Variants in PLCB1 observed in about 807,000 individuals in gnomAD.
PLCB1 encodes the protein 1-phosphatidylinositol 4,5-bisphosphate phosphodiesterase beta-1.
PLCB1 carries 46 observed loss-of-function variants against 161.8 expected under a neutral mutation model. That is an observed-to-expected ratio of 0.28 (90% CI 0.22 to 0.36). The LOEUF (loss-of-function observed/expected upper bound fraction) is 0.36, where lower values mean the gene tolerates loss of function less well. Among genes scored for constraint, PLCB1 ranks in the 10% least tolerant of loss-of-function variants. PLCB1 has a pLI of 1.00. For missense variants in PLCB1, 1,016 were observed against 1,472.5 expected, an observed-to-expected ratio of 0.69 and a Z score of 5.07; for synonymous variants, 517 against 503.7, an observed-to-expected ratio of 1.03 and a Z score of -0.35.
intron 9 of PLCB1, among the ~76,000 whole-genome samples, chr20:8,661,388 G>C (rs746715773): frequency 2.6e-5 from 4 of 152,112 alleles, no homozygotes; most frequent in Non-Finnish European, 4.4e-5. Context: ...AAGGACAGAG[G>C]CTTTGGAGTC....
At chr20:8,276,505 C>T (rs1982551323) in intron 2 of PLCB1, among the ~76,000 whole-genome samples, 1 of 152,158 alleles carries the variant, frequency 6.6e-6, no homozygotes, top group Non-Finnish European at 1.5e-5. Flanking sequence ...GCTGCTGCTC[C>T]TTTCATTGTT....
intron 2 of PLCB1, among the ~76,000 whole-genome samples, chr20:8,205,740 A>G (rs959058943): frequency 6.6e-6 from 1 of 152,164 alleles, no homozygotes; most frequent in Non-Finnish European, 1.5e-5. Flanking sequence ...ATACATTCTG[A>G]ATTATTTACA....
chr20:8,139,483 T>C (rs1036068645), intron 1 of PLCB1, among the ~76,000 whole-genome samples: 1 of 152,132 alleles, frequency 6.6e-6, no homozygotes, highest in Admixed American at 6.5e-5. Flanking sequence ...TCACAGAAAG[T>C]GGATTAGTTA....
At chr20:8,472,218 T>C (rs988285139) in intron 3 of PLCB1, among the ~76,000 whole-genome samples, 3 of 152,346 alleles carry the variant, frequency 2.0e-5, no homozygotes, top group Non-Finnish European at 2.9e-5. Flanking sequence ...GATATTATTG[T>C]TTGCAAATCT....
intron 2 of PLCB1, among the ~76,000 whole-genome samples, chr20:8,189,109 C>T (rs1002860090): frequency 2.0e-5 from 3 of 151,694 alleles, no homozygotes; most frequent in Admixed American, 6.6e-5. Flanking sequence ...TCTAGGATTC[C>T]GCATATAAGT....
chr20:8,870,891 A>AG (rs1201440861), intron 31 of PLCB1, among the ~76,000 whole-genome samples: 1 of 152,234 alleles, frequency 6.6e-6, no homozygotes, highest in Non-Finnish European at 1.5e-5. Context: ...AATGCACAAA[A>AG]GGAGAAAATT....
chr20:8,490,615 C>A (rs1982904370), intron 3 of PLCB1, among the ~76,000 whole-genome samples: 1 of 152,134 alleles, frequency 6.6e-6, no homozygotes, highest in Non-Finnish European at 1.5e-5. Context: ...AGTTGCTCCA[C>A]TTTCTTACTA....
At chr20:8,325,070 T>G (rs1407076253) in intron 2 of PLCB1, among the ~76,000 whole-genome samples, 1 of 152,216 alleles carries the variant, frequency 6.6e-6, no homozygotes, top group Non-Finnish European at 1.5e-5. Context: ...GTAATAATCA[T>G]GCCCCTACTA....
intron 15 of PLCB1, among the ~76,000 whole-genome samples, chr20:8,723,479 G>A (rs1171312061): frequency 6.6e-6 from 1 of 152,004 alleles, no homozygotes; most frequent in Admixed American, 6.6e-5. Context: ...ACTCTACAGA[G>A]GCCCATTTTG....
rs2146222865 is a variant in PLCB1 at position 8,790,198 on chromosome 20, G to A, written c.3360G>A (p.Arg1120=). The part of the protein sequence containing the change: ...IKRLEEAQSK[R]QEKLVEKHKE... ...AGCTAGAAGAAGCGCAAAGTAAACG[G>A]CAAGAAAAACTCGTAGAGAAACACA... The change falls in exon 31 of 32, where the codon CGG becomes CGA. Residue 1120 remains arginine, a synonymous_variant. Coordinates refer to ENST00000338037, the MANE Select transcript of PLCB1 (RefSeq NM_015192.4). 4 of 1,611,230 alleles carry A rather than the reference G, an allele frequency of 2.5e-6. No individual in the cohort carries two copies. The highest frequency in any genetic ancestry group is 3.4e-6 in the Non-Finnish European group (4 of 1,178,148).
chr20:8,869,468 T>C (rs552695037), intron 31 of PLCB1, among the ~76,000 whole-genome samples: 1 of 152,348 alleles, frequency 6.6e-6, no homozygotes, highest in South Asian at 2.1e-4. Flanking sequence ...AGCATAATTA[T>C]TGTCCTAAAT....
chr20:8,274,125 A>G (rs1982416705), intron 2 of PLCB1, among the ~76,000 whole-genome samples: 1 of 152,108 alleles, frequency 6.6e-6, no homozygotes, highest in Admixed American at 6.6e-5. Context: ...AACTTTCCAT[A>G]TTTGCTCTCA....
intron 3 of PLCB1, among the ~76,000 whole-genome samples, chr20:8,404,481 G>A (rs1399404291): frequency 1.3e-5 from 2 of 152,134 alleles, no homozygotes; most frequent in South Asian, 4.1e-4. Flanking sequence ...AGGATAAAAG[G>A]TACAAGTCCT....
intron 2 of PLCB1, among the ~76,000 whole-genome samples, chr20:8,299,615 T>C (rs1447072104): frequency 6.6e-6 from 1 of 152,196 alleles, no homozygotes; most frequent in Non-Finnish European, 1.5e-5. Context: ...GCACCCTGAT[T>C]TCTCAACTGC....
intron 3 of PLCB1, among the ~76,000 whole-genome samples, chr20:8,483,908 T>G (rs1982611406): frequency 6.6e-6 from 1 of 152,144 alleles, no homozygotes; most frequent in African/African-American, 2.4e-5. Flanking sequence ...ATTAGAAAAT[T>G]AAGAACAAGG....
intron 2 of PLCB1, among the ~76,000 whole-genome samples, chr20:8,232,168 G>A (rs942684815): frequency 2.0e-5 from 3 of 151,902 alleles, no homozygotes; most frequent in Non-Finnish European, 4.4e-5. Flanking sequence ...CATGGTGCCC[G>A]TGAAAAGCTA....
chr20:8,529,303 G>A (rs2122910101), intron 3 of PLCB1, among the ~76,000 whole-genome samples: 1 of 151,956 alleles, frequency 6.6e-6, no homozygotes, highest in Admixed American at 6.6e-5. Context: ...CATATACCTA[G>A]GAGAAAAAGG....
At chr20:8,268,221 G>GT (rs1201294395) in intron 2 of PLCB1, among the ~76,000 whole-genome samples, 1 of 151,958 alleles carries the variant, frequency 6.6e-6, no homozygotes, top group East Asian at 1.9e-4. Flanking sequence ...GCGGTGTTTG[G>GT]TTTTTTGTCC....
intron 14 of PLCB1, among the ~76,000 whole-genome samples, chr20:8,720,724 A>G (rs1045834214): frequency 6.6e-6 from 1 of 152,092 alleles, no homozygotes; most frequent in Non-Finnish European, 1.5e-5. Context: ...TCCCACAGAC[A>G]CTAAAGAATG....
Sources: gnomAD v4.1 joint callset for allele counts (sites outside exome capture counted in the v4.1 genomes callset) on GRCh38, gnomAD v4.1.1 for gene constraint, MANE v1.5 for transcripts, NCBI Gene and HGNC (gene_info 2026-07-23, HGNC 2026-07-21) for gene names.